NFATC3: variants seen among roughly 807,000 people sequenced by gnomAD.
NFATC3 encodes nuclear factor of activated T-cells, cytoplasmic 3.
A neutral mutation model predicts 98.6 loss-of-function variants in NFATC3; 46 were observed. That is an observed-to-expected ratio of 0.47 (90% CI 0.37 to 0.60). NFATC3 has a LOEUF of 0.60. NFATC3 is among the 20% of genes least tolerant of loss of function. The probability of loss-of-function intolerance (pLI) is 0.00; values close to 1 mark genes in which losing one functional copy is unlikely to be tolerated. For synonymous variants in NFATC3, 512 were observed against 472.2 expected, an observed-to-expected ratio of 1.08 and a Z score of -1.09; for missense variants, 1,256 against 1,295.5, an observed-to-expected ratio of 0.97 and a Z score of 0.47.
chr16:68,183,730 G>A (rs985729542), intron 8 of NFATC3, among the ~76,000 whole-genome samples: 9 of 152,098 alleles, frequency 5.9e-5, no homozygotes, highest in Admixed American at 2.0e-4. Context: ...GTGGCCAGGC[G>A]CAGTGGCTCA....
intron 1 of NFATC3, among the ~76,000 whole-genome samples, chr16:68,101,778 C>T (rs962640884): frequency 3.9e-5 from 6 of 152,096 alleles, no homozygotes; most frequent in Non-Finnish European, 7.4e-5. Flanking sequence ...CCACCGCACC[C>T]GGTCCCAAAG....
At chr16:68,096,653 T>G (rs2151451027) in intron 1 of NFATC3, among the ~76,000 whole-genome samples, 1 of 152,012 alleles carries the variant, frequency 6.6e-6, no homozygotes, top group South Asian at 2.1e-4. Context: ...TAACTCTGAG[T>G]AGAGAGGTCA....
chr16:68,085,672 G>A lies in NFATC3; in HGVS notation c.-10G>A, dbSNP rs1174709026. 1 of 1,511,704 alleles carries A rather than the reference G, an allele frequency of 6.6e-7. No homozygotes were observed. Among genetic ancestry groups the A allele is most frequent in the Admixed American group, 2.1e-5 (1 of 46,608 alleles). The allele number at this position is 1,511,704 out of a possible 1,614,324, so 93.6% of individuals were successfully genotyped here. ...CCTGAGGAGGAGCTGCAGCACCCTG[G>A]GCCACGCCGATGACTACTGCAAACT... On this transcript the variant is annotated 5_prime_UTR_variant, in exon 1 of 10. Coordinates refer to ENST00000346183, the MANE Select transcript of NFATC3 (RefSeq NM_173165.3).
At chr16:68,106,988 A>C (rs1044107752) in intron 1 of NFATC3, among the ~76,000 whole-genome samples, 1 of 151,768 alleles carries the variant, frequency 6.6e-6, no homozygotes, top group Non-Finnish European at 1.5e-5. Context: ...TTGTTCACCT[A>C]CTGTTTATAA....
At chr16:68,217,608 A>G (rs2041688016) in intron 9 of NFATC3, 2 of 1,224,356 alleles carry the variant, frequency 1.6e-6, no homozygotes, top group Non-Finnish European at 2.0e-6. Flanking sequence ...AGTGAGTATA[A>G]TGGAGATCCC....
intron 1 of NFATC3, among the ~76,000 whole-genome samples, chr16:68,120,851 T>C (rs2036535742): frequency 6.6e-6 from 1 of 152,196 alleles, no homozygotes; most frequent in African/African-American, 2.4e-5. Flanking sequence ...TTGGATAATA[T>C]ATACAGGTCA....
chr16:68,199,067 T>A (rs1442398219), intron 9 of NFATC3, among the ~76,000 whole-genome samples: 1 of 149,166 alleles, frequency 6.7e-6, no homozygotes, highest in East Asian at 2.0e-4. Context: ...AGAAAAAAAA[T>A]TAGCTGATCA....
chr16:68,147,831 C>A (rs975367112), intron 3 of NFATC3, among the ~76,000 whole-genome samples: 1 of 149,902 alleles, frequency 6.7e-6, no homozygotes, highest in South Asian at 2.1e-4. Flanking sequence ...TCTCTACCTT[C>A]ATTTTTTTTT....
rs74833765 is a variant in NFATC3 at position 68,132,045 on chromosome 16, C to T, written c.1401+5435C>T. Among the ~76,000 whole-genome samples the T allele has an allele frequency of 3.3e-3, 506 of 152,232 alleles. 5 individuals are homozygous for T. The highest frequency in any genetic ancestry group is 0.011 in the African/African-American group (474 of 41,534). The stretch of plus-strand genomic sequence containing the variant: ...AGAATCAGGTATCACTTCCACTTTC[C>T]CTTTTAAATGACGTGCTCTCATGTG... On this transcript the variant is annotated intron_variant, in intron 3 of 9. Transcript: ENST00000346183.
intron 1 of NFATC3, among the ~76,000 whole-genome samples, chr16:68,102,489 CTCTCCATTT>C (rs1567497942): frequency 2.0e-5 from 3 of 150,616 alleles, no homozygotes; most frequent in African/African-American, 7.3e-5. Flanking sequence ...GAAGGCATTG[CTCTCCATTT>C]TCTCCATTTT....
At chr16:68,153,579 C>A (rs1262283487) in intron 3 of NFATC3, among the ~76,000 whole-genome samples, 1 of 152,068 alleles carries the variant, frequency 6.6e-6, no homozygotes, top group African/African-American at 2.4e-5. Context: ...CAACATTAAT[C>A]TTTTTCCAAA....
chr16:68,120,496 C>G (rs2036512918), intron 1 of NFATC3, among the ~76,000 whole-genome samples: 1 of 150,224 alleles, frequency 6.7e-6, no homozygotes, highest in Admixed American at 6.7e-5. Flanking sequence ...TGAGAATCGC[C>G]TGAACTTCGG....
intron 9 of NFATC3, chr16:68,221,169 A>G (rs376303306): frequency 1.8e-5 from 29 of 1,608,356 alleles, no homozygotes; most frequent in Non-Finnish European, 2.3e-5. Context: ...AAGATTGCTA[A>G]TGACTTACAT....
chr16:68,106,095 C>A (rs886073067), intron 1 of NFATC3, among the ~76,000 whole-genome samples: 2 of 151,794 alleles, frequency 1.3e-5, no homozygotes, highest in Admixed American at 1.3e-4. Flanking sequence ...GTCTTGAACT[C>A]TTGACCTCAA....
At position 68,228,464 on chromosome 16, in the gene NFATC3, A is replaced by G. The variant is rs1275961974; in HGVS notation, c.*1993A>G. 2 of 152,524 alleles carry G rather than the reference A, an allele frequency of 1.3e-5. No individual in the cohort carries two copies. Among genetic ancestry groups the G allele is most frequent in the African/African-American group, 4.8e-5 (2 of 41,450 alleles). The allele number at this position is 152,524 out of a possible 1,614,324, so 9.4% of individuals were successfully genotyped here. On this transcript the variant is annotated 3_prime_UTR_variant, in exon 10 of 10. Transcript: ENST00000346183. Reference sequence around the variant, plus strand: ...CCTTGCAATACCCTTTGTGCCCTCAAGAATTAAAAGCCTCTATGATCCAGA... The same window carrying G: ...CCTTGCAATACCCTTTGTGCCCTCAGGAATTAAAAGCCTCTATGATCCAGA...
At chr16:68,178,636 G>A (rs914280376) in intron 6 of NFATC3, among the ~76,000 whole-genome samples, 3 of 152,178 alleles carry the variant, frequency 2.0e-5, no homozygotes, top group African/African-American at 7.2e-5. Context: ...ATTGTGAACT[G>A]TTTGTATCAA....
intron 3 of NFATC3, 42 bp from the exon 4 acceptor site, chr16:68,157,827 G>C: frequency 6.6e-7 from 1 of 1,515,134 alleles, no homozygotes; most frequent in African/African-American, 1.4e-5. Context: ...AAAATGCATG[G>C]ATAATGAATT....
In NFATC3 at chr16:68,206,315, A is replaced by G. The variant is rs1368940646; in HGVS notation, c.3106+14540A>G. Among the ~76,000 whole-genome samples the G allele has an allele frequency of 3.9e-5, 6 of 152,238 alleles. No individual in the cohort carries two copies. In the East Asian group the frequency reaches 7.7e-4, roughly 20 times the overall value. On this transcript the variant is annotated intron_variant, in intron 9 of 9. Transcript: ENST00000346183. ...AAGTGGCATTAAATACATTCACAATATTGTATAACCACCACCACTTTCTAT... is the reference window on the plus strand; with the variant it reads ...AAGTGGCATTAAATACATTCACAATGTTGTATAACCACCACCACTTTCTAT...
intron 9 of NFATC3, chr16:68,212,276 T>C (rs997750004): frequency 1.3e-5 from 2 of 152,192 alleles, no homozygotes; most frequent in Admixed American, 1.3e-4. Context: ...CTGGATTTTG[T>C]TTTGTTTTGA....
Sources: gnomAD v4.1 joint callset for allele counts (sites outside exome capture counted in the v4.1 genomes callset) on GRCh38, gnomAD v4.1.1 for gene constraint, MANE v1.5 for transcripts, NCBI Gene and HGNC (gene_info 2026-07-23, HGNC 2026-07-21) for gene names.